Variants in MDFIC2 observed in about 807,000 individuals in gnomAD.
MDFIC2 encodes the protein MyoD family inhibitor domain containing 2, also known as myoD family inhibitor domain-containing protein 2.
intron 2 of MDFIC2, among the ~76,000 whole-genome samples, chr3:70,263,010 T>C (rs1608097): frequency 0.13 from 19,225 of 152,236 alleles, 1,312 homozygotes; most frequent in East Asian, 0.23. Flanking sequence ...ATTTTAGGTA[T>C]TGCATTTCTC....
chr3:70,274,407 T>C (rs955001667), intron 2 of MDFIC2, among the ~76,000 whole-genome samples: 1 of 152,174 alleles, frequency 6.6e-6, no homozygotes, highest in African/African-American at 2.4e-5. Flanking sequence ...TGAGCACTGA[T>C]ATATAATTTT....
intron 2 of MDFIC2, among the ~76,000 whole-genome samples, chr3:70,310,567 T>G (rs1016002915): frequency 1.3e-5 from 2 of 152,060 alleles, no homozygotes; most frequent in African/African-American, 4.8e-5. Context: ...GGTTTCATCA[T>G]GTTGGCCAGG....
At chr3:70,231,510 A>G (rs947364854) in intron 2 of MDFIC2, among the ~76,000 whole-genome samples, 1 of 152,186 alleles carries the variant, frequency 6.6e-6, no homozygotes, top group East Asian at 1.9e-4. Context: ...TGACAGAACA[A>G]AAGAGCCAAA....
intron 2 of MDFIC2, among the ~76,000 whole-genome samples, chr3:70,292,727 T>TCA (rs200769605): frequency 2.6e-4 from 40 of 151,398 alleles, no homozygotes; most frequent in East Asian, 3.9e-4. Context: ...AGATCTTTGA[T>TCA]CACACACACA....
chr3:70,291,582 T>A (rs28371054), intron 2 of MDFIC2, among the ~76,000 whole-genome samples: 31,626 of 152,006 alleles, frequency 0.21, 3,490 homozygotes, highest in South Asian at 0.28. Context: ...TGTTAATACT[T>A]AGCACAGTGC....
intron 2 of MDFIC2, among the ~76,000 whole-genome samples, chr3:70,281,333 C>T (rs1341841019): frequency 6.6e-6 from 1 of 152,130 alleles, no homozygotes; most frequent in Non-Finnish European, 1.5e-5. Context: ...TGATCTTATC[C>T]ATTCTCTCTC....
chr3:70,253,717 C>T (rs971100930), intron 2 of MDFIC2, among the ~76,000 whole-genome samples: 1 of 151,854 alleles, frequency 6.6e-6, no homozygotes, highest in East Asian at 1.9e-4. Flanking sequence ...TGCAAAACCC[C>T]AACTCTAAAA....
At chr3:70,276,041 T>TA (rs1358408517) in intron 2 of MDFIC2, among the ~76,000 whole-genome samples, 3 of 151,826 alleles carry the variant, frequency 2.0e-5, no homozygotes, top group African/African-American at 2.4e-5. Flanking sequence ...TTTCAAACTT[T>TA]AAAAAAAAGT....
chr3:70,210,808 A>T (rs1374272311), intron 2 of MDFIC2, among the ~76,000 whole-genome samples: 5 of 152,138 alleles, frequency 3.3e-5, no homozygotes, highest in South Asian at 4.1e-4. Context: ...TGAATGTTAA[A>T]CAGTTTGGGC....
chr3:70,274,391 T>C (rs1026675238), intron 2 of MDFIC2, among the ~76,000 whole-genome samples: 1 of 150,584 alleles, frequency 6.6e-6, no homozygotes, highest in African/African-American at 2.5e-5. Context: ...GAGTATGTGA[T>C]AGAAATGAGC....
At chr3:70,303,985 A>T (rs1023645374) in intron 2 of MDFIC2, among the ~76,000 whole-genome samples, 1 of 152,160 alleles carries the variant, frequency 6.6e-6, no homozygotes, top group Non-Finnish European at 1.5e-5. Flanking sequence ...GCCCAGCCTG[A>T]TAGTTCTTTA....
At chr3:70,265,045 A>C (rs1701903361) in intron 2 of MDFIC2, among the ~76,000 whole-genome samples, 1 of 152,160 alleles carries the variant, frequency 6.6e-6, no homozygotes, top group African/African-American at 2.4e-5. Context: ...ATATCGTGAG[A>C]CTTATTCACT....
chr3:70,209,784 T>G (rs1348583104), intron 2 of MDFIC2, among the ~76,000 whole-genome samples: 4 of 152,122 alleles, frequency 2.6e-5, no homozygotes, highest in Admixed American at 2.0e-4. Context: ...TACTGTGATG[T>G]GTCACCTGCC....
chr3:70,291,603 G>A (rs1255886736), intron 2 of MDFIC2, among the ~76,000 whole-genome samples: 5 of 151,992 alleles, frequency 3.3e-5, no homozygotes, highest in Non-Finnish European at 4.4e-5. Context: ...TGGGAACATC[G>A]GATCCACAAA....
chr3:70,232,701 A>G (rs1275421460), intron 2 of MDFIC2, among the ~76,000 whole-genome samples: 3 of 152,144 alleles, frequency 2.0e-5, no homozygotes, highest in Non-Finnish European at 4.4e-5. Flanking sequence ...CCCCTCAACA[A>G]GAGAGGTAAT....
intron 2 of MDFIC2, among the ~76,000 whole-genome samples, chr3:70,290,217 G>C (rs911660683): frequency 2.6e-5 from 4 of 152,128 alleles, no homozygotes; most frequent in Middle Eastern, 6.3e-3. Flanking sequence ...TTTGATGATG[G>C]TGATGTACAG....
intron 2 of MDFIC2, among the ~76,000 whole-genome samples, chr3:70,260,574 C>T (rs13089371): frequency 1.3e-5 from 2 of 151,618 alleles, no homozygotes; most frequent in African/African-American, 4.9e-5. Context: ...AAGGGAAGGT[C>T]TGCATATTTT....
chr3:70,246,749 G>A (rs1685161345), intron 2 of MDFIC2, among the ~76,000 whole-genome samples: 1 of 152,060 alleles, frequency 6.6e-6, no homozygotes, highest in African/African-American at 2.4e-5. Context: ...AAGACTTTGT[G>A]TATTCTTTAT....
intron 2 of MDFIC2, among the ~76,000 whole-genome samples, chr3:70,273,519 A>T (rs905385005): frequency 3.3e-5 from 5 of 152,204 alleles, no homozygotes; most frequent in Non-Finnish European, 5.9e-5. Flanking sequence ...TAATACAGTT[A>T]TATCACCTAA....
Sources: gnomAD v4.1 joint callset for allele counts (sites outside exome capture counted in the v4.1 genomes callset) on GRCh38, gnomAD v4.1.1 for gene constraint, MANE v1.5 for transcripts, NCBI Gene and HGNC (gene_info 2026-07-23, HGNC 2026-07-21) for gene names.